Variants in ADAMTSL3 observed in about 807,000 individuals in gnomAD.
ADAMTSL3 encodes ADAMTS like 3, also known as ADAMTS-like protein 3.
A neutral mutation model predicts 201.7 loss-of-function variants in ADAMTSL3; 128 were observed. That is an observed-to-expected ratio of 0.63 (90% CI 0.55 to 0.73). ADAMTSL3 has a LOEUF of 0.73. ADAMTSL3 is among the 30% of genes least tolerant of loss of function. ADAMTSL3 has a pLI of 0.00. For missense variants in ADAMTSL3, 1,990 were observed against 2,119.6 expected (o/e 0.94, Z 1.20); for synonymous variants, 738 against 748.4 (o/e 0.99, Z 0.23).
intron 5 of ADAMTSL3, among the ~76,000 whole-genome samples, chr15:83,815,933 C>T (rs1462293032): frequency 3.3e-5 from 5 of 152,162 alleles, no homozygotes; most frequent in African/African-American, 1.2e-4. Context: ...AACTAAAAAG[C>T]ATGATCCGGA....
At chr15:83,830,591 A>G (rs2064135771) in intron 6 of ADAMTSL3, among the ~76,000 whole-genome samples, 1 of 152,242 alleles carries the variant, frequency 6.6e-6, no homozygotes, top group Non-Finnish European at 1.5e-5. Flanking sequence ...GTGTTGGAGT[A>G]GGCACTGGCA....
intron 3 of ADAMTSL3, among the ~76,000 whole-genome samples, chr15:83,755,450 C>T (rs1255935332): frequency 6.6e-6 from 1 of 151,356 alleles, no homozygotes; most frequent in African/African-American, 2.4e-5. Flanking sequence ...TGACAACCAC[C>T]ATTCTACTTT....
At chr15:84,006,519 G>A (rs969444322) in intron 23 of ADAMTSL3, among the ~76,000 whole-genome samples, 1 of 152,112 alleles carries the variant, frequency 6.6e-6, no homozygotes, top group African/African-American at 2.4e-5. Context: ...AGACACCCCC[G>A]AGGTGCAAAC....
At chr15:83,737,224 G>A (rs1345014001) in intron 3 of ADAMTSL3, among the ~76,000 whole-genome samples, 3 of 152,104 alleles carry the variant, frequency 2.0e-5, no homozygotes, top group African/African-American at 7.2e-5. Flanking sequence ...GAAGTGTGGG[G>A]GAAAATAGAG....
At chr15:84,008,223 C>G (rs1305347338) in intron 23 of ADAMTSL3, among the ~76,000 whole-genome samples, 1 of 152,120 alleles carries the variant, frequency 6.6e-6, no homozygotes, top group Non-Finnish European at 1.5e-5. Context: ...AATTCTCCTG[C>G]CTCAGCCTCC....
intron 19 of ADAMTSL3, among the ~76,000 whole-genome samples, chr15:83,955,953 C>T (rs959437655): frequency 6.6e-6 from 1 of 152,108 alleles, no homozygotes. Context: ...CACACTGCCC[C>T]AGTCCACTGG....
intron 3 of ADAMTSL3, among the ~76,000 whole-genome samples, chr15:83,733,525 A>G (rs1299004913): frequency 1.2e-4 from 18 of 152,154 alleles, no homozygotes; most frequent in Admixed American, 1.1e-3. Flanking sequence ...TGTGTGCATT[A>G]CATGGGTGGA....
At chr15:84,025,119 A>G (rs779351286) in intron 26 of ADAMTSL3, 119 bp from the exon 27 acceptor site, 16 of 778,968 alleles carry the variant, frequency 2.1e-5, no homozygotes, top group Admixed American at 9.3e-5. Flanking sequence ...ATTCCCATAG[A>G]GACATGTGAC....
intron 19 of ADAMTSL3, among the ~76,000 whole-genome samples, chr15:83,949,468 C>T (rs555163622): frequency 6.6e-6 from 1 of 152,246 alleles, no homozygotes; most frequent in East Asian, 1.9e-4. Flanking sequence ...CTGTGGTATA[C>T]ATGGGATTAT....
chr15:83,870,805 T>C lies in ADAMTSL3; in HGVS notation c.806T>C (p.Ile269Thr), dbSNP rs549219584. 51 of 1,570,452 alleles carry C rather than the reference T, an allele frequency of 3.2e-5. No homozygotes were observed. The highest frequency in any genetic ancestry group is 4.0e-5 in the Non-Finnish European group (46 of 1,164,322). ...ITVKGPAHLFIESKTLQGSKG... is the reference protein window; with the variant it reads ...ITVKGPAHLFTESKTLQGSKG... The stretch of plus-strand genomic sequence containing the variant: ...GAATCATATATTTTAATTTTAGTTA[T>C]TGAATCAAAAACACTTCAAGGAAGC... Residue 269 changes from isoleucine (I) to threonine (T), a missense_variant, in exon 9 of 30, where the codon ATT becomes ACT. Coordinates refer to ENST00000286744, the MANE Select transcript of ADAMTSL3 (RefSeq NM_207517.3).
chr15:83,759,180 C>T (rs2062767907), intron 3 of ADAMTSL3, among the ~76,000 whole-genome samples: 1 of 151,938 alleles, frequency 6.6e-6, no homozygotes, highest in African/African-American at 2.4e-5. Flanking sequence ...CTCATGTGTA[C>T]CCATACCCAG....
chr15:83,808,472 A>G (rs922333916), intron 5 of ADAMTSL3, among the ~76,000 whole-genome samples: 1 of 152,196 alleles, frequency 6.6e-6, no homozygotes, highest in African/African-American at 2.4e-5. Flanking sequence ...CACAAAGACA[A>G]AAGACACAAG....
At chr15:83,714,032 T>C (rs759121965) in intron 3 of ADAMTSL3, among the ~76,000 whole-genome samples, 6 of 152,194 alleles carry the variant, frequency 3.9e-5, no homozygotes, top group East Asian at 1.9e-4. Flanking sequence ...GACATATGGA[T>C]ACCTGAGGCC....
intron 23 of ADAMTSL3, among the ~76,000 whole-genome samples, chr15:83,993,874 C>A (rs2067629700): frequency 6.6e-6 from 1 of 152,150 alleles, no homozygotes; most frequent in South Asian, 2.1e-4. Flanking sequence ...TCAGTTGCTG[C>A]ATGTTTTATT....
chr15:84,000,643 G>C (rs890585833), intron 23 of ADAMTSL3, among the ~76,000 whole-genome samples: 1 of 152,206 alleles, frequency 6.6e-6, no homozygotes, highest in Non-Finnish European at 1.5e-5. Flanking sequence ...AAGTGTATCA[G>C]ACACATTAAG....
chr15:83,985,157 G>A (rs1004494943), intron 21 of ADAMTSL3, among the ~76,000 whole-genome samples: 1 of 151,710 alleles, frequency 6.6e-6, no homozygotes, highest in African/African-American at 2.4e-5. Flanking sequence ...AGTGATACAG[G>A]CCTTCCAAAT....
At chr15:84,004,306 T>G (rs1401229948) in intron 23 of ADAMTSL3, among the ~76,000 whole-genome samples, 2 of 152,218 alleles carry the variant, frequency 1.3e-5, no homozygotes, top group Non-Finnish European at 2.9e-5. Flanking sequence ...ATCGGCAGTA[T>G]GTCCTGAGAA....
At chr15:83,775,741 G>T (rs1159873903) in intron 4 of ADAMTSL3, among the ~76,000 whole-genome samples, 1 of 152,194 alleles carries the variant, frequency 6.6e-6, no homozygotes, top group African/African-American at 2.4e-5. Context: ...CTGAGAAATT[G>T]CCTTTGCCCT....
chr15:83,937,555 G>C (rs970356793), intron 17 of ADAMTSL3, among the ~76,000 whole-genome samples: 2 of 150,678 alleles, frequency 1.3e-5, no homozygotes, highest in African/African-American at 5.0e-5. Flanking sequence ...GTACCTACCA[G>C]GTACTATGCT....
Sources: allele counts gnomAD v4.1 joint callset (sites outside exome capture counted in the v4.1 genomes callset), GRCh38; gene constraint gnomAD v4.1.1; transcripts MANE v1.5; gene names NCBI Gene and HGNC (gene_info 2026-07-23, HGNC 2026-07-21).